FEZF2: variants seen among roughly 807,000 people sequenced by gnomAD.
The protein encoded by FEZF2 is FEZ family zinc finger 2.
FEZF2 carries 2 observed loss-of-function variants against 32.8 expected under a neutral mutation model. The observed-to-expected ratio is 0.06, with a 90% CI of 0.02 to 0.19. FEZF2 has a LOEUF of 0.19. FEZF2 is among the 10% of genes least tolerant of loss of function. The pLI, the probability that FEZF2 is intolerant of heterozygous loss-of-function variation, is 1.00. For synonymous variants in FEZF2, 322 were observed against 284.8 expected (o/e 1.13, Z -1.32); for missense variants, 516 against 625.4 (o/e 0.83, Z 1.87).
Position 62,372,721 on chromosome 3 carries a change from G to T in FEZF2, c.148C>A (p.Pro50Thr). 1.2e-6 allele frequency: 2 copies of T among 1,609,638 alleles called. No individual in the cohort carries two copies. Among genetic ancestry groups the T allele is most frequent in the African/African-American group, 1.3e-5 (1 of 74,774 alleles). Residue 50 changes from proline (P) to threonine (T), a missense_variant, in exon 2 of 5, where the codon CCT (proline) becomes ACT (threonine). By Grantham distance (38) the Pro-to-Thr change is conservative. This residue lies in a region of FEZF2 where 408 missense variants were observed against 382.2 expected (regional missense o/e 1.07). Transcript: ENST00000283268. The surrounding 1 kb of genome is among the most constrained non-coding windows in gnomAD (Gnocchi z 9.6). ...SEPRAPFEPR[P>T]GALEADGSQG... is the part of the protein sequence containing the mutation. Reference sequence around the variant, plus strand: ...CTGCCGTCCGCCTCTAGCGCTCCAGGCCGGGGCTCAAAGGGCGCACGGGGC... The same window carrying T: ...CTGCCGTCCGCCTCTAGCGCTCCAGTCCGGGGCTCAAAGGGCGCACGGGGC...
chr3:62,371,778 G>T, intron 2 of FEZF2, 111 bp from the exon 3 acceptor site: 1 of 1,489,370 alleles, frequency 6.7e-7, no homozygotes, highest in Non-Finnish European at 9.0e-7. Flanking sequence ...AGAAACCAGA[G>T]CCTTTTTCAG....
rs534223605 is a variant in FEZF2, at chr3:62,372,325, G to T, written c.544C>A (p.Pro182Thr). Residue 182 changes from proline (P) to threonine (T), a missense_variant, in exon 2 of 5, where the codon CCG (proline) becomes ACG (threonine). Around this residue, in one of 3 missense-constraint regions of FEZF2, gnomAD observed 408 missense variants for 382.2 expected, o/e 1.07. Transcript: ENST00000283268. The surrounding 1 kb of genome is among the most constrained non-coding windows in gnomAD (Gnocchi z 9.6). ...AGGTGGCCGCTGAGGAGCTCAGACGGCGGGTACGCGGTCGAGTCCAGGTAG... is the reference window on the plus strand; with the variant it reads ...AGGTGGCCGCTGAGGAGCTCAGACGTCGGGTACGCGGTCGAGTCCAGGTAG... ...FNYLDSTAYP[P>T]SELLSGHLFP... The T allele has an allele frequency of 4.3e-6, 7 of 1,609,992 alleles. No individual in the cohort carries two copies. In the Admixed American group the frequency reaches 1.0e-4, roughly 23 times the overall value.
At chr3:62,371,972 G>A (rs1351145533) in intron 2 of FEZF2, 45 bp downstream of exon 2, 4 of 1,580,668 alleles carry the variant, frequency 2.5e-6, no homozygotes, top group Admixed American at 1.8e-5. Flanking sequence ...AGCCGCCGCC[G>A]CCGATCGCCC....
chr3:62,371,940 G>T (rs762769186), intron 2 of FEZF2, 77 bp downstream of exon 2: 6 of 1,530,462 alleles, frequency 3.9e-6, no homozygotes, highest in South Asian at 1.2e-5. Flanking sequence ...TGAAAAAGGG[G>T]CATTCCAGGC....
chr3:62,372,378 G>A lies in FEZF2; in HGVS notation c.491C>T (p.Pro164Leu). ...PQVINQAVGL[P>L]ASGSLYYFNY... ...GAAGTAGTAGAGCGAGCCGCTGGCC[G>A]GCAGCCCCACAGCCTGGTTGATGAC... Residue 164 changes from proline (P) to leucine (L), a missense_variant, in exon 2 of 5, where the codon CCG (proline) becomes CTG (leucine). Physicochemically the swap from Pro to Leu is moderately conservative, Grantham distance 98. Around this residue, in one of 3 missense-constraint regions of FEZF2, gnomAD observed 408 missense variants for 382.2 expected, o/e 1.07. Coordinates refer to ENST00000283268, the MANE Select transcript of FEZF2 (RefSeq NM_018008.4). This position sits in a 1 kb window ranked among gnomAD's most constrained non-coding sequence, Gnocchi z 9.6. The A allele has an allele frequency of 6.2e-7, 1 of 1,611,328 alleles. No homozygotes were observed.
Position 62,372,985 on chromosome 3 carries a change from CG to C in FEZF2, c.-58-60del, listed in dbSNP as rs1559837999. On this transcript the variant is annotated intron_variant, in intron 1 of 4. Transcript: ENST00000283268. The surrounding 1 kb of genome is among the most constrained non-coding windows in gnomAD (Gnocchi z 9.6). ...AATTTAATAAGCACCTAGTCGGGCCCGGGTCACCCATTTGCATTCAAATGAA... is the reference window on the plus strand; with the variant it reads ...AATTTAATAAGCACCTAGTCGGGCCCGGTCACCCATTTGCATTCAAATGAA... The C allele has an allele frequency of 9.7e-7, 1 of 1,029,770 alleles. No homozygotes were observed. The highest frequency in any genetic ancestry group is 3.9e-5 in the Admixed American group (1 of 25,626). The allele number at this position is 1,029,770 out of a possible 1,614,324, so 63.8% of individuals were successfully genotyped here. A position where few individuals can be genotyped will look rare whatever the true frequency, so the allele number is the denominator to read the frequency against.
Position 62,372,000 on chromosome 3 carries a change from C to G in FEZF2, c.852+17G>C, listed in dbSNP as rs780929500. On this transcript the variant is annotated intron_variant, in intron 2 of 4. Coordinates refer to ENST00000283268, the MANE Select transcript of FEZF2 (RefSeq NM_018008.4). ...GATCGCCCCTCCCGGCCCCCCTCGC[C>G]GAACCCTGGGCCTCACCTTGCCGCA... 1 of 1,597,978 alleles carries G rather than the reference C, an allele frequency of 6.3e-7. No individual in the cohort carries two copies. Among genetic ancestry groups the G allele is most frequent in the Middle Eastern group, 1.7e-4 (1 of 6,050 alleles).
At chr3:62,371,884 C>A (rs866659205) in intron 2 of FEZF2, 133 bp downstream of exon 2, 106 of 1,428,286 alleles carry the variant, frequency 7.4e-5, no homozygotes, top group Admixed American at 7.4e-4. Context: ...TGAGGCCCAA[C>A]GAGGCTCCCA....
At position 62,370,464 on chromosome 3, in the gene FEZF2, C is replaced by T. The variant is rs572154002; in HGVS notation, c.1121-122G>A. ...AAAAGGCGACGCTTGGCTAGGCGGG[C>T]GCGACCTCTTCGAGTGAAGAAGTTG... On this transcript the variant is annotated intron_variant, in intron 4 of 4. Coordinates refer to ENST00000283268, the MANE Select transcript of FEZF2 (RefSeq NM_018008.4). This position sits in a 1 kb window ranked among gnomAD's most constrained non-coding sequence, Gnocchi z 4.2. The T allele has an allele frequency of 9.8e-6, 10 of 1,025,130 alleles. No homozygotes were observed. In the East Asian group the frequency reaches 1.7e-4, roughly 17 times the overall value. The allele number at this position is 1,025,130 out of a possible 1,614,324, so 63.5% of individuals were successfully genotyped here. A position where few individuals can be genotyped will look rare whatever the true frequency, so the allele number is the denominator to read the frequency against.
rs988453911 is a variant in FEZF2, at chr3:62,372,182, C to T, written c.687G>A (p.Pro229=). 8.2e-6 allele frequency: 13 copies of T among 1,581,884 alleles called. No individual in the cohort carries two copies. Among genetic ancestry groups the T allele is most frequent in the African/African-American group, 1.3e-5 (1 of 74,356 alleles). ...AGLAADKFPH[P]APYPHKERLP... is the part of the protein sequence containing the mutation. ...AGCGCTCCTTATGGGGATAGGGAGCCGGGTGGGGGAACTTGTCCGCAGCCA... is the reference window on the plus strand; with the variant it reads ...AGCGCTCCTTATGGGGATAGGGAGCTGGGTGGGGGAACTTGTCCGCAGCCA... The change falls in exon 2 of 5, where the codon CCG becomes CCA. Residue 229 remains proline (P), a synonymous_variant. Transcript: ENST00000283268. This position sits in a 1 kb window ranked among gnomAD's most constrained non-coding sequence, Gnocchi z 9.6.
At position 62,371,477 on chromosome 3, in the gene FEZF2, A is replaced by G. The variant is rs546656852; in HGVS notation, c.987+56T>C. 12 of 1,582,868 alleles carry G rather than the reference A, an allele frequency of 7.6e-6. No individual in the cohort carries two copies. In the South Asian group the frequency reaches 1.4e-4, roughly 19 times the overall value. ...CTTTGGCCATCGTATCCCCGGTGTT[A>G]TCACTAAGATTCTGGGGGTTGCGCG... On this transcript the variant is annotated intron_variant, in intron 3 of 4. Transcript: ENST00000283268.
In FEZF2 at chr3:62,372,202, C is replaced by T; in HGVS notation, c.667G>A (p.Ala223Thr). The T allele has an allele frequency of 1.3e-6, 2 of 1,576,870 alleles. No individual in the cohort carries two copies. Among genetic ancestry groups the T allele is most frequent in the Non-Finnish European group, 1.7e-6 (2 of 1,161,064 alleles). Residue 223 changes from alanine to threonine, a missense_variant, in exon 2 of 5, where the codon GCG (alanine) becomes ACG (threonine). Coordinates refer to ENST00000283268, the MANE Select transcript of FEZF2 (RefSeq NM_018008.4). This position sits in a 1 kb window ranked among gnomAD's most constrained non-coding sequence, Gnocchi z 9.6. ...LENAKLAGLAADKFPHPAPYP... is the reference protein window; with the variant it reads ...LENAKLAGLATDKFPHPAPYP... ...GGAGCCGGGTGGGGGAACTTGTCCG[C>T]AGCCAGGCCGGCCAGCTTGGCGTTC...
At position 62,372,110 on chromosome 3, in the gene FEZF2, A is replaced by C. The variant is rs1296234133; in HGVS notation, c.759T>G (p.Thr253=). The C allele has an allele frequency of 2.5e-6, 4 of 1,603,488 alleles. No homozygotes were observed. The highest frequency in any genetic ancestry group is 3.4e-6 in the Non-Finnish European group (4 of 1,175,808). The change falls in exon 2 of 5, where the codon ACT becomes ACG. Residue 253 remains threonine (T), a synonymous_variant. Coordinates refer to ENST00000283268, the MANE Select transcript of FEZF2 (RefSeq NM_018008.4). This position sits in a 1 kb window ranked among gnomAD's most constrained non-coding sequence, Gnocchi z 9.6. ...EQVLKENSAL[T]AERGGVKGHS... Reference sequence around the variant, plus strand: ...GGCCCTTGACGCCTCCGCGCTCGGCAGTCAGGGCCGAGTTTTCCTTCAGTA... The same window carrying C: ...GGCCCTTGACGCCTCCGCGCTCGGCCGTCAGGGCCGAGTTTTCCTTCAGTA...
chr3:62,372,443 C>T lies in FEZF2; in HGVS notation c.426G>A (p.Ala142=), dbSNP rs1207753406. The T allele has an allele frequency of 1.2e-6, 2 of 1,607,446 alleles. No individual in the cohort carries two copies. The highest frequency in any genetic ancestry group is 1.7e-5 in the Admixed American group (1 of 59,638). The change falls in exon 2 of 5, where the codon GCG becomes GCA. Residue 142 remains alanine (A), a synonymous_variant. Transcript: ENST00000283268. The surrounding 1 kb of genome is among the most constrained non-coding windows in gnomAD (Gnocchi z 9.6). ...GVCCKAELGL[A]PSALPAGRVI... is the part of the protein sequence containing the mutation. ...CCCTGCCCGCGGGCAGCGCGGACGG[C>T]GCCAGGCCCAGCTCGGCCTTGCAGC...
In FEZF2 at chr3:62,372,452, C is replaced by A; in HGVS notation, c.417G>T (p.Leu139=). 1 of 1,605,490 alleles carries A rather than the reference C, an allele frequency of 6.2e-7. No homozygotes were observed. The highest frequency in any genetic ancestry group is 8.5e-7 in the Non-Finnish European group (1 of 1,177,490). The change falls in exon 2 of 5, where the codon CTG becomes CTT. Residue 139 remains leucine (L), a synonymous_variant. Coordinates refer to ENST00000283268, the MANE Select transcript of FEZF2 (RefSeq NM_018008.4). This position sits in a 1 kb window ranked among gnomAD's most constrained non-coding sequence, Gnocchi z 9.6. ...TNCGVCCKAE[L]GLAPSALPAG... is the part of the protein sequence containing the mutation. ...CGGGCAGCGCGGACGGCGCCAGGCCCAGCTCGGCCTTGCAGCACACGCCAC... is the reference window on the plus strand; with the variant it reads ...CGGGCAGCGCGGACGGCGCCAGGCCAAGCTCGGCCTTGCAGCACACGCCAC...
In FEZF2 at chr3:62,371,356, A is replaced by G. The variant is rs1704265497; in HGVS notation, c.988-7T>C. ...TGCATTTATGTGGCTTTTCCTGAGGAAAGGGGCGAGTGCACAGTAAGGAGA... is the reference window on the plus strand; with the variant it reads ...TGCATTTATGTGGCTTTTCCTGAGGGAAGGGGCGAGTGCACAGTAAGGAGA... On this transcript the variant is annotated splice_region_variant and splice_polypyrimidine_tract_variant and intron_variant, in intron 3 of 4. Coordinates refer to ENST00000283268, the MANE Select transcript of FEZF2 (RefSeq NM_018008.4). 1 of 1,613,106 alleles carries G rather than the reference A, an allele frequency of 6.2e-7. No individual in the cohort carries two copies. The highest frequency in any genetic ancestry group is 8.5e-7 in the Non-Finnish European group (1 of 1,179,400).
rs1255716278 is a variant in FEZF2, at chr3:62,370,785, A to G, written c.1120+432T>C. Among the ~76,000 whole-genome samples, 1 of 152,112 alleles carries G rather than the reference A, an allele frequency of 6.6e-6. No individual in the cohort carries two copies. The highest frequency in any genetic ancestry group is 1.5e-5 in the Non-Finnish European group (1 of 68,022). On this transcript the variant is annotated intron_variant, in intron 4 of 4. Coordinates refer to ENST00000283268, the MANE Select transcript of FEZF2 (RefSeq NM_018008.4). This position sits in a 1 kb window ranked among gnomAD's most constrained non-coding sequence, Gnocchi z 4.2. ...CCCCAACTACCAACTGAAGATCCAA[A>G]AGTGCCTTGGAAAATCCGATCCAGG...
At position 62,370,605 on chromosome 3, in the gene FEZF2, C is replaced by T. The variant is rs1219967996; in HGVS notation, c.1121-263G>A. Among the ~76,000 whole-genome samples, 1 of 152,232 alleles carries T rather than the reference C, an allele frequency of 6.6e-6. No individual in the cohort carries two copies. The highest frequency in any genetic ancestry group is 1.5e-5 in the Non-Finnish European group (1 of 68,046). ...ACAGAGGCTGGTGCAGCTTCCCTCC[C>T]GCCGCGCTCCGCGGGCCGGGAAACT... On this transcript the variant is annotated intron_variant, in intron 4 of 4. Transcript: ENST00000283268. The surrounding 1 kb of genome is among the most constrained non-coding windows in gnomAD (Gnocchi z 4.2).
Position 62,371,677 on chromosome 3 carries a change from G to T in FEZF2, c.853-10C>A. 1 of 1,603,518 alleles carries T rather than the reference G, an allele frequency of 6.2e-7. No individual in the cohort carries two copies. The highest frequency in any genetic ancestry group is 8.5e-7 in the Non-Finnish European group (1 of 1,173,466). On this transcript the variant is annotated splice_polypyrimidine_tract_variant and intron_variant, in intron 2 of 4. Transcript: ENST00000283268. ...AGTGAGCGTTAAACACCTATGGAAA[G>T]ACATGGGGGGCCTTGTGGTGCGTCT...
Sources: allele counts gnomAD v4.1 joint callset (sites outside exome capture counted in the v4.1 genomes callset), GRCh38; gene constraint gnomAD v4.1.1; regional missense constraint gnomAD v4.1.1; non-coding constraint Gnocchi (gnomAD v3.1); transcripts MANE v1.5; gene names NCBI Gene and HGNC (gene_info 2026-07-23, HGNC 2026-07-21).